The following TRAF3IP2 variants were observed in gnomAD, a reference collection of about 807,000 sequenced individuals.
The protein encoded by TRAF3IP2 is TRAF3 interacting protein 2.
In TRAF3IP2, 35 loss-of-function variants were observed where a neutral mutation model predicts 57.9. The observed-to-expected ratio is 0.60, with a 90% confidence interval of 0.46 to 0.80. The LOEUF (loss-of-function observed/expected upper bound fraction) is 0.80, where lower values mean the gene tolerates loss of function less well. Among genes scored for constraint, TRAF3IP2 ranks in the 30% least tolerant of loss-of-function variants. The probability of loss-of-function intolerance (pLI) is 0.00; values close to 1 mark genes in which losing one functional copy is unlikely to be tolerated. For synonymous variants in TRAF3IP2, 251 were observed against 268.9 expected (o/e 0.93, Z 0.65); for missense variants, 556 against 706.4 (o/e 0.79, Z 2.41).
At chr6:111,580,136 T>G in intron 3 of TRAF3IP2, 61 bp downstream of exon 3, 1 of 1,556,130 alleles carries the variant, frequency 6.4e-7, no homozygotes, top group Non-Finnish European at 8.7e-7. Flanking sequence ...ACATCTTCAT[T>G]GCATTGGCAT....
chr6:111,590,164 A>ATAT (rs1301665126), intron 2 of TRAF3IP2, among the ~76,000 whole-genome samples: 2 of 152,208 alleles, frequency 1.3e-5, no homozygotes. Context: ...GCACTGATAC[A>ATAT]TATTATTATT....
At chr6:111,596,700 C>G (rs1001673598) in intron 1 of TRAF3IP2, among the ~76,000 whole-genome samples, 14 of 152,166 alleles carry the variant, frequency 9.2e-5, no homozygotes, top group African/African-American at 3.1e-4. Context: ...GTGATCCGCC[C>G]GCTTCGGCCT....
intron 3 of TRAF3IP2, among the ~76,000 whole-genome samples, chr6:111,578,727 G>A (rs1796069859): frequency 6.6e-6 from 1 of 152,204 alleles, no homozygotes; most frequent in Non-Finnish European, 1.5e-5. Flanking sequence ...AAGCAGGCAT[G>A]TGCCTCTTCA....
chr6:111,599,531 CTTTT>C (rs1441946755), intron 1 of TRAF3IP2, among the ~76,000 whole-genome samples: 3 of 152,138 alleles, frequency 2.0e-5, no homozygotes, highest in Non-Finnish European at 4.4e-5. Flanking sequence ...CACCCTCTCT[CTTTT>C]TTAATTTTTT....
intron 1 of TRAF3IP2, among the ~76,000 whole-genome samples, chr6:111,596,153 T>C (rs528672249): frequency 1.3e-5 from 2 of 152,302 alleles, no homozygotes; most frequent in South Asian, 4.1e-4. Flanking sequence ...CTTCCCTGCT[T>C]TACCTTCTTA....
At chr6:111,559,611 C>T in intron 8 of TRAF3IP2, 60 bp from the exon 9 acceptor site, 1 of 1,577,912 alleles carries the variant, frequency 6.3e-7, no homozygotes, top group African/African-American at 1.4e-5. Context: ...ATGCCAGATC[C>T]CAGGCTCAGT....
At chr6:111,598,131 A>G (rs174396) in intron 1 of TRAF3IP2, 36,881 of 316,046 alleles carry the variant, frequency 0.12, 2,617 homozygotes, top group Middle Eastern at 0.2. Context: ...TGAGGCTCCC[A>G]ATACAGAGCC....
At position 111,596,428 on chromosome 6, in the gene TRAF3IP2, GACTACAGGCGC is replaced by G. The variant is rs374521737; in HGVS notation, c.-8-4345_-8-4335del. On this transcript the variant is annotated intron_variant, in intron 1 of 8. Coordinates refer to ENST00000368761, the MANE Select transcript of TRAF3IP2 (RefSeq NM_147686.4). Reference sequence around the variant, plus strand: ...CCACCTCAGTCTCCCAAGTAGCTAGGACTACAGGCGCACGCCATCATGCCTAATTTTTCTGT... The same window carrying G: ...CCACCTCAGTCTCCCAAGTAGCTAGGACGCCATCATGCCTAATTTTTCTGT... 2.4e-3 allele frequency among the ~76,000 whole-genome samples: 371 copies of G among 152,142 alleles called. 3 individuals are homozygous for G. The highest frequency in any genetic ancestry group is 8.6e-3 in the African/African-American group (357 of 41,516).
intron 1 of TRAF3IP2, chr6:111,600,253 C>T (rs1042784213): frequency 2.6e-5 from 4 of 152,220 alleles, no homozygotes; most frequent in African/African-American, 9.6e-5. Context: ...TGGTTTTACA[C>T]CCAGGTGCTA....
At chr6:111,569,943 G>A (rs73534548) in intron 5 of TRAF3IP2, among the ~76,000 whole-genome samples, 196 of 152,118 alleles carry the variant, frequency 1.3e-3, no homozygotes, top group African/African-American at 4.6e-3. Context: ...TACTATTATG[G>A]GCTGAATTGT....
rs772026502 is a variant in TRAF3IP2, at chr6:111,559,571, A to G, written c.1552-20T>C. 6.2e-7 allele frequency: 1 copy of G among 1,611,262 alleles called. No individual in the cohort carries two copies. Among genetic ancestry groups the G allele is most frequent in the East Asian group, 2.2e-5 (1 of 44,856 alleles). On this transcript the variant is annotated intron_variant, in intron 8 of 8. Coordinates refer to ENST00000368761, the MANE Select transcript of TRAF3IP2 (RefSeq NM_147686.4). The stretch of plus-strand genomic sequence containing the variant: ...ATGCTCCTATGGGAGGCAGAATGAC[A>G]GGAGCAAAGGTCATTAGAGAAAAAC...
chr6:111,585,690 G>A (rs757817361), intron 2 of TRAF3IP2, among the ~76,000 whole-genome samples: 10 of 152,190 alleles, frequency 6.6e-5, no homozygotes, highest in Non-Finnish European at 1.3e-4. Flanking sequence ...TGTCCCCAAT[G>A]CCTACAGTTC....
At chr6:111,580,956 C>T (rs1796144128) in intron 2 of TRAF3IP2, among the ~76,000 whole-genome samples, 1 of 152,206 alleles carries the variant, frequency 6.6e-6, no homozygotes, top group African/African-American at 2.4e-5. Flanking sequence ...CTGGCAATAC[C>T]CTCCAACTCC....
chr6:111,589,878 T>C (rs1284747236), intron 2 of TRAF3IP2, among the ~76,000 whole-genome samples: 1 of 152,240 alleles, frequency 6.6e-6, no homozygotes, highest in Non-Finnish European at 1.5e-5. Flanking sequence ...TTATGGTTGA[T>C]TACAGCATTT....
chr6:111,566,760 CAG>C (rs1272153591), intron 6 of TRAF3IP2, among the ~76,000 whole-genome samples, 200 bp from the exon 7 acceptor site: 1 of 152,150 alleles, frequency 6.6e-6, no homozygotes, highest in African/African-American at 2.4e-5. Context: ...GCAAATGGCT[CAG>C]AGAGGGGCTC....
chr6:111,580,111 A>G (rs1309915948), intron 3 of TRAF3IP2, 86 bp downstream of exon 3: 2 of 1,494,980 alleles, frequency 1.3e-6, no homozygotes, highest in Non-Finnish European at 1.8e-6. Flanking sequence ...TAGCAAACCT[A>G]TAGAGAATTC....
At chr6:111,582,842 C>T (rs1171951301) in intron 2 of TRAF3IP2, among the ~76,000 whole-genome samples, 1 of 152,162 alleles carries the variant, frequency 6.6e-6, no homozygotes, top group East Asian at 1.9e-4. Context: ...CTCACTGGCC[C>T]ACTAAGCTCT....
Position 111,591,308 on chromosome 6 carries a change from G to T in TRAF3IP2, c.779C>A (p.Pro260Gln). 1.3e-6 allele frequency: 2 copies of T among 1,514,768 alleles called. No homozygotes were observed. Among genetic ancestry groups the T allele is most frequent in the Non-Finnish European group, 8.8e-7 (1 of 1,132,934 alleles). 93.8% of individuals were successfully genotyped at this position (1,514,768 alleles called of 1,614,324 possible). ...AGGACAATGGTAATGATAGTTCCAT[G>T]GAGCATGTGGGGAAAGATTGGGAGG... ...MLPPNLSPHA[P>Q]WNYHYHCPGS... The change falls in exon 2 of 9, where the codon CCA becomes CAA. Residue 260 changes from proline to glutamine, a missense_variant. By Grantham distance (76) the Pro-to-Gln change is moderately conservative. Transcript: ENST00000368761. The surrounding 1 kb of genome is among the most constrained non-coding windows in gnomAD (Gnocchi z 4.9).
chr6:111,603,025 C>T (rs1796918548), intron 1 of TRAF3IP2, among the ~76,000 whole-genome samples: 1 of 152,162 alleles, frequency 6.6e-6, no homozygotes, highest in Non-Finnish European at 1.5e-5. Context: ...GAAGCCCACC[C>T]TTCTTCAGCC....
Sources: gnomAD v4.1 joint callset for allele counts (sites outside exome capture counted in the v4.1 genomes callset) on GRCh38, gnomAD v4.1.1 for gene constraint, Gnocchi (gnomAD v3.1) non-coding constraint, MANE v1.5 for transcripts, NCBI Gene and HGNC (gene_info 2026-07-23, HGNC 2026-07-21) for gene names.